Variants in DPH6 observed in about 807,000 individuals in gnomAD.
DPH6 encodes the protein diphthamine biosynthesis 6, also known as diphthine--ammonia ligase.
A neutral mutation model predicts 38.2 loss-of-function variants in DPH6; 33 were observed. The ratio of observed to expected loss-of-function variants is 0.86; its 90% CI spans 0.65 to 1.15. DPH6 has a LOEUF of 1.15. Ranked by LOEUF, DPH6 falls within the 50% of genes most tolerant of loss-of-function variation. The pLI, the probability that DPH6 is intolerant of heterozygous loss-of-function variation, is 0.00. For missense variants in DPH6, 325 were observed against 320.0 expected, an observed-to-expected ratio of 1.02 and a Z score of -0.12; for synonymous variants, 108 against 103.0, an observed-to-expected ratio of 1.05 and a Z score of -0.30.
At chr15:35,534,817 T>C (rs1489374269) in intron 3 of DPH6, among the ~76,000 whole-genome samples, 2 of 152,190 alleles carry the variant, frequency 1.3e-5, no homozygotes, top group African/African-American at 4.8e-5. Flanking sequence ...ATTTTGTGTA[T>C]CAGATTTGAC....
rs77227700 is a variant in DPH6 at position 35,373,903 on chromosome 15, T to C, written c.663-295A>G. On this transcript the variant is annotated intron_variant, in intron 7 of 8. Transcript: ENST00000256538. ...ACAATTTTAAGACTTAAATTCCTGT[T>C]CAATTTCATTTTCACGTATTTGCTT... Among the ~76,000 whole-genome samples the C allele has an allele frequency of 5.5e-3, 840 of 152,150 alleles. 9 individuals carry two copies. The highest frequency in any genetic ancestry group is 0.019 in the African/African-American group (803 of 41,544).
At chr15:35,468,397 C>T (rs1369833081) in intron 3 of DPH6, among the ~76,000 whole-genome samples, 3 of 152,162 alleles carry the variant, frequency 2.0e-5, no homozygotes. Flanking sequence ...GAGTCACAGA[C>T]CGTCCCAGCC....
intron 3 of DPH6, among the ~76,000 whole-genome samples, chr15:35,287,348 A>G (rs1234390805): frequency 6.6e-6 from 1 of 152,192 alleles, no homozygotes; most frequent in East Asian, 1.9e-4. Context: ...ACAGAGGGCT[A>G]TTATTTTACA....
At chr15:35,473,276 T>C (rs1415014199) in intron 3 of DPH6, among the ~76,000 whole-genome samples, 18 of 152,170 alleles carry the variant, frequency 1.2e-4, no homozygotes, top group Admixed American at 1.2e-3. Flanking sequence ...AAAGTTCTGG[T>C]ACCAGCTTTA....
intron 3 of DPH6, among the ~76,000 whole-genome samples, chr15:35,531,511 G>A (rs1430784251): frequency 3.3e-5 from 5 of 152,042 alleles, no homozygotes; most frequent in Admixed American, 6.6e-5. Context: ...TCACTCTGTC[G>A]CCCAGGCTGT....
At chr15:35,268,134 C>T (rs560920081) in intron 3 of DPH6, among the ~76,000 whole-genome samples, 1 of 151,684 alleles carries the variant, frequency 6.6e-6, no homozygotes, top group South Asian at 2.1e-4. Context: ...TGTGCCACTG[C>T]ACTCCAGCCT....
At chr15:35,436,401 G>A (rs566611473) in intron 5 of DPH6, among the ~76,000 whole-genome samples, 2 of 151,932 alleles carry the variant, frequency 1.3e-5, no homozygotes, top group African/African-American at 4.8e-5. Flanking sequence ...GGGAGGCGGA[G>A]CTTGCAATGA....
chr15:35,213,382 G>A (rs998056948), downstream of DPH6, among the ~76,000 whole-genome samples: 6 of 152,152 alleles, frequency 3.9e-5, no homozygotes, highest in Admixed American at 2.0e-4. Flanking sequence ...GAAGGAAAAA[G>A]CATAATAAAG....
chr15:35,379,547 A>G (rs141405780), intron 7 of DPH6, among the ~76,000 whole-genome samples: 309 of 152,378 alleles, frequency 2.0e-3, no homozygotes, highest in African/African-American at 7.0e-3. Context: ...TCTAAATAAT[A>G]TAACTTTCAT....
the DPH6 span, among the ~76,000 whole-genome samples, chr15:35,182,239 TTTTTTTTTTTTTTTTTTA>T: frequency 4.8e-5 from 6 of 125,714 alleles, no homozygotes; most frequent in African/African-American, 2.7e-4. Context: ...TTTTTTTTTT[TTTTTTTTTTTTTTTTTTA>T]CTTTTAAGGC....
At chr15:35,355,464 C>T (rs2052551664) in intron 3 of DPH6, among the ~76,000 whole-genome samples, 1 of 152,120 alleles carries the variant, frequency 6.6e-6, no homozygotes, top group South Asian at 2.1e-4. Context: ...TTCAGGAGCT[C>T]TTTTAGGGCA....
At chr15:35,454,174 A>G (rs1368797287) in intron 4 of DPH6, among the ~76,000 whole-genome samples, 1 of 152,140 alleles carries the variant, frequency 6.6e-6, no homozygotes, top group Non-Finnish European at 1.5e-5. Flanking sequence ...TGGTATGTGC[A>G]GTTACAGACT....
chr15:35,220,284 C>T (rs753614363), exon 4 of DPH6: 1 of 152,150 alleles, frequency 6.6e-6, no homozygotes, highest in African/African-American at 2.4e-5. Flanking sequence ...CACATCACCT[C>T]CCAACCTCTC....
intron 5 of DPH6, among the ~76,000 whole-genome samples, chr15:35,437,479 C>G (rs1428606122): frequency 6.6e-6 from 1 of 152,202 alleles, no homozygotes; most frequent in African/African-American, 2.4e-5. Flanking sequence ...GCCTGACATG[C>G]AGGCAAAAGA....
Position 35,377,322 on chromosome 15 carries a change from CCCATCCAT to C in DPH6, c.663-3722_663-3715del, listed in dbSNP as rs534979462. Among the ~76,000 whole-genome samples the C allele has an allele frequency of 1.5e-4, 23 of 151,832 alleles. No individual in the cohort carries two copies. The South Asian group carries it at 4.4e-3, about 29-fold the overall frequency. ...TTTTTCATTCTTATTCTTCCGTCCA[CCCATCCAT>C]CCATCCATCCATCCATCCATCATCT... On this transcript the variant is annotated intron_variant, in intron 7 of 8. Coordinates refer to ENST00000256538, the MANE Select transcript of DPH6 (RefSeq NM_080650.4).
chr15:35,148,757 CTT>C, the DPH6 span, among the ~76,000 whole-genome samples: 1 of 152,146 alleles, frequency 6.6e-6, no homozygotes, highest in Non-Finnish European at 1.5e-5. Flanking sequence ...AGAGTAGGGA[CTT>C]TCTTTTTAAC....
the DPH6 span, among the ~76,000 whole-genome samples, chr15:35,160,465 T>G: frequency 6.6e-6 from 1 of 151,920 alleles, no homozygotes; most frequent in African/African-American, 2.4e-5. Flanking sequence ...TATTTTAGGT[T>G]TAGGGGTACA....
At chr15:35,387,318 A>G (rs891291102) in intron 6 of DPH6, among the ~76,000 whole-genome samples, 9 of 152,126 alleles carry the variant, frequency 5.9e-5, no homozygotes, top group African/African-American at 9.7e-5. Flanking sequence ...TTGACTTGGC[A>G]ATGCGGGCTC....
rs72703157 is a variant in DPH6, at chr15:35,377,400, C to T, written c.663-3792G>A. Among the ~76,000 whole-genome samples, 787 of 152,122 alleles carry T rather than the reference C, an allele frequency of 5.2e-3. 5 individuals are homozygous for T. Among genetic ancestry groups the T allele is most frequent in the African/African-American group, 0.012 (499 of 41,476 alleles). On this transcript the variant is annotated intron_variant, in intron 7 of 8. Coordinates refer to ENST00000256538, the MANE Select transcript of DPH6 (RefSeq NM_080650.4). ...ACTTTGTAGCAGTAATACAGTGATACTGATGATTAAAACAGAACTATAGAA... is the reference window on the plus strand; with the variant it reads ...ACTTTGTAGCAGTAATACAGTGATATTGATGATTAAAACAGAACTATAGAA...
Sources: allele counts gnomAD v4.1 joint callset (sites outside exome capture counted in the v4.1 genomes callset), GRCh38; gene constraint gnomAD v4.1.1; transcripts MANE v1.5; gene names NCBI Gene and HGNC (gene_info 2026-07-23, HGNC 2026-07-21).